Variants in SESTD1 observed in about 807,000 individuals in gnomAD.
SESTD1 encodes the protein SEC14 and spectrin domain containing 1.
A neutral mutation model predicts 101.7 loss-of-function variants in SESTD1; 43 were observed. That is an observed-to-expected ratio of 0.42 (90% CI 0.33 to 0.55). The LOEUF is 0.55. Among genes scored for constraint, SESTD1 ranks in the 20% least tolerant of loss-of-function variants. The pLI is 0.07. For missense variants in SESTD1, 647 were observed against 815.1 expected (o/e 0.79, Z 2.51); for synonymous variants, 283 against 286.8 (o/e 0.99, Z 0.13).
chr2:179,255,379 G>C (rs1047643267), intron 1 of SESTD1, among the ~76,000 whole-genome samples: 1 of 152,202 alleles, frequency 6.6e-6, no homozygotes, highest in African/African-American at 2.4e-5. Flanking sequence ...TGCCACTCCA[G>C]AAAACATACG....
chr2:179,195,279 G>A (rs944959831), intron 1 of SESTD1, among the ~76,000 whole-genome samples: 1 of 152,220 alleles, frequency 6.6e-6, no homozygotes, highest in African/African-American at 2.4e-5. Context: ...TGCTGTTCTT[G>A]TGATAGTGAG....
At chr2:179,200,084 A>T (rs1261438414) in intron 1 of SESTD1, among the ~76,000 whole-genome samples, 1 of 152,234 alleles carries the variant, frequency 6.6e-6, no homozygotes, top group African/African-American at 2.4e-5. Context: ...AAGTCTCACG[A>T]TACAAAATGA....
intron 1 of SESTD1, among the ~76,000 whole-genome samples, chr2:179,231,782 T>C (rs1048394710): frequency 5.3e-5 from 7 of 133,120 alleles, no homozygotes; most frequent in Admixed American, 2.2e-4. Flanking sequence ...ACAAAGCAAA[T>C]AGAAACAGTA....
intron 9 of SESTD1, among the ~76,000 whole-genome samples, chr2:179,135,470 A>G (rs2045119388): frequency 6.6e-6 from 1 of 152,012 alleles, no homozygotes. Flanking sequence ...TACTAGAGAG[A>G]AGGCTAGGCA....
intron 5 of SESTD1, among the ~76,000 whole-genome samples, chr2:179,157,982 G>A (rs1258013430): frequency 1.3e-5 from 2 of 152,074 alleles, no homozygotes; most frequent in Non-Finnish European, 2.9e-5. Context: ...ACAGCATAGA[G>A]GGCCAAAGGC....
chr2:179,118,209 TA>T (rs1218010170), intron 13 of SESTD1, among the ~76,000 whole-genome samples: 1 of 152,182 alleles, frequency 6.6e-6, no homozygotes, highest in Non-Finnish European at 1.5e-5. Flanking sequence ...TGATTTTTTT[TA>T]AAACCCTCCA....
intron 1 of SESTD1, among the ~76,000 whole-genome samples, chr2:179,235,560 T>A (rs1302798148): frequency 1.3e-5 from 2 of 152,152 alleles, no homozygotes; most frequent in African/African-American, 2.4e-5. Flanking sequence ...AAGAAAACCC[T>A]CAAGTTATTC....
chr2:179,239,144 C>T (rs1252671036), intron 1 of SESTD1, among the ~76,000 whole-genome samples: 1 of 152,092 alleles, frequency 6.6e-6, no homozygotes, highest in Non-Finnish European at 1.5e-5. Context: ...ACTATTAATT[C>T]AACAAAAGTC....
At chr2:179,120,071 A>C (rs559688110) in intron 13 of SESTD1, among the ~76,000 whole-genome samples, 1 of 152,204 alleles carries the variant, frequency 6.6e-6, no homozygotes, top group South Asian at 2.1e-4. Context: ...TCTACTAAAA[A>C]TACAAAAATT....
chr2:179,151,768 G>A (rs2045535600), intron 5 of SESTD1, among the ~76,000 whole-genome samples: 1 of 152,132 alleles, frequency 6.6e-6, no homozygotes, highest in East Asian at 1.9e-4. Context: ...TAAGCCCTAT[G>A]AAGAGTAAAT....
In SESTD1 at chr2:179,151,312, G is replaced by A. The variant is rs2045525776; in HGVS notation, c.449C>T (p.Thr150Ile). The part of the protein sequence containing the change: ...QLTEDFGGSL[T>I]YDHMDWLNKR... ...ATTTAACCAGTCCATGTGATCATAG[G>A]TGAGACTCCCACCAAAATCTTCTGT... The change falls in exon 6 of 18, where the codon ACC becomes ATC. Residue 150 changes from threonine to isoleucine, a missense_variant. By Grantham distance (89) the Thr-to-Ile change is moderately conservative (BLOSUM62 -1). Transcript: ENST00000428443. The A allele has an allele frequency of 3.7e-6, 6 of 1,608,056 alleles. No homozygotes were observed. The East Asian group carries it at 1.4e-4, about 36-fold the overall frequency.
chr2:179,113,639 T>C (rs919004508), intron 16 of SESTD1, among the ~76,000 whole-genome samples: 1 of 152,216 alleles, frequency 6.6e-6, no homozygotes, highest in African/African-American at 2.4e-5. Flanking sequence ...ACTCAAGATT[T>C]AATTTAGATA....
At position 179,162,190 on chromosome 2, in the gene SESTD1, A is replaced by C. The variant is rs534837785; in HGVS notation, c.369+9930T>G. ...TGAGTGATAAATCTGAGCAACTGAC[A>C]AATCTCCCAAACTAGTCAACTAATA... is the stretch of plus-strand genomic sequence containing the variant. On this transcript the variant is annotated intron_variant, in intron 5 of 17. Coordinates refer to ENST00000428443, the MANE Select transcript of SESTD1 (RefSeq NM_178123.5). 2.4e-4 allele frequency among the ~76,000 whole-genome samples: 36 copies of C among 152,276 alleles called. No homozygotes were observed. The Middle Eastern group carries it at 0.01, about 43-fold the overall frequency.
chr2:179,189,504 C>A (rs2046287615), intron 2 of SESTD1, among the ~76,000 whole-genome samples: 1 of 152,030 alleles, frequency 6.6e-6, no homozygotes, highest in African/African-American at 2.4e-5. Flanking sequence ...CCCTTAAGAA[C>A]TGGAAAAAAA....
Position 179,107,918 on chromosome 2 carries a change from A to G in SESTD1, c.*1981T>C, listed in dbSNP as rs765123695. On this transcript the variant is annotated 3_prime_UTR_variant, in exon 18 of 18. Transcript: ENST00000428443. ...CCCAAAGGACTGAGAAGATGATTCAAGTATAGAAAGAACTTCCTGGATGTT... is the reference window on the plus strand; with the variant it reads ...CCCAAAGGACTGAGAAGATGATTCAGGTATAGAAAGAACTTCCTGGATGTT... 4.6e-5 allele frequency: 7 copies of G among 152,198 alleles called. No individual in the cohort carries two copies. Among genetic ancestry groups the G allele is most frequent in the Non-Finnish European group, 8.8e-5 (6 of 68,032 alleles). The allele number at this position is 152,198 out of a possible 1,614,324, so 9.4% of individuals were successfully genotyped here.
chr2:179,211,486 T>A lies in SESTD1; in HGVS notation c.-25-19620A>T, dbSNP rs980582891. On this transcript the variant is annotated intron_variant, in intron 1 of 17. Transcript: ENST00000428443. The stretch of plus-strand genomic sequence containing the variant: ...TGGCACACAGACCAGTGGAACAAAA[T>A]AGAGAACCCAGAAATACGGCAAATA... 6.8e-5 allele frequency among the ~76,000 whole-genome samples: 9 copies of A among 132,856 alleles called. 3 individuals are homozygous for A. Among genetic ancestry groups the A allele is most frequent in the African/African-American group, 2.4e-4 (8 of 33,416 alleles). 87.2% of individuals were successfully genotyped at this position (132,856 alleles called of 152,430 possible). A position where few individuals can be genotyped will look rare whatever the true frequency, so the allele number is the denominator to read the frequency against.
At position 179,102,892 on chromosome 2, in the gene SESTD1, G is replaced by T. The variant is rs1477731981; in HGVS notation, c.*7007C>A. The T allele has an allele frequency of 2.0e-5, 3 of 152,036 alleles. No individual in the cohort carries two copies. The highest frequency in any genetic ancestry group is 7.2e-5 in the African/African-American group (3 of 41,424). 9.4% of individuals were successfully genotyped at this position (152,036 alleles called of 1,614,324 possible). On this transcript the variant is annotated 3_prime_UTR_variant, in exon 18 of 18. Coordinates refer to ENST00000428443, the MANE Select transcript of SESTD1 (RefSeq NM_178123.5). ...TGTGAGGTAGAATTTTTCCCACCCC[G>T]TTTTCTGCTCTTCTGGCCACCATTT...
chr2:179,188,497 G>A (rs1336248747), intron 2 of SESTD1, among the ~76,000 whole-genome samples: 2 of 152,138 alleles, frequency 1.3e-5, no homozygotes, highest in Non-Finnish European at 2.9e-5. Context: ...AATTGGCTGA[G>A]TATGGTGGTA....
At chr2:179,227,247 T>C (rs1213106797) in intron 1 of SESTD1, among the ~76,000 whole-genome samples, 1 of 152,174 alleles carries the variant, frequency 6.6e-6, no homozygotes, top group Non-Finnish European at 1.5e-5. Flanking sequence ...TTTTATAAAA[T>C]TACATCTTAA....
Sources: gnomAD v4.1 joint callset for allele counts (sites outside exome capture counted in the v4.1 genomes callset) on GRCh38, gnomAD v4.1.1 for gene constraint, MANE v1.5 for transcripts, NCBI Gene and HGNC (gene_info 2026-07-23, HGNC 2026-07-21) for gene names.